Variants in CEMIP2 observed in about 807,000 individuals in gnomAD.
CEMIP2 encodes the protein cell migration inducing hyaluronidase 2, also known as cell surface hyaluronidase CEMIP2.
A neutral mutation model predicts 146.9 loss-of-function variants in CEMIP2; 79 were observed. The ratio of observed to expected loss-of-function variants is 0.54; its 90% confidence interval spans 0.45 to 0.65. The LOEUF (loss-of-function observed/expected upper bound fraction) is 0.65. Ranked by LOEUF, CEMIP2 falls within the 30% of genes least tolerant of loss-of-function variation. The pLI, the probability that CEMIP2 is intolerant of heterozygous loss-of-function variation, is 0.00. For missense variants in CEMIP2, 1,596 were observed against 1,696.2 expected (o/e 0.94, Z 1.04); for synonymous variants, 601 against 606.3 (o/e 0.99, Z 0.13).
At chr9:71,759,126 G>C (rs62544884) in intron 1 of CEMIP2, among the ~76,000 whole-genome samples, 9,453 of 152,196 alleles carry the variant, frequency 0.062, 446 homozygotes, top group South Asian at 0.18. Flanking sequence ...GCCTATGAAG[G>C]GAAAGGACAA....
intron 18 of CEMIP2, among the ~76,000 whole-genome samples, chr9:71,703,985 G>C (rs1054437580): frequency 6.6e-6 from 1 of 152,082 alleles, no homozygotes; most frequent in African/African-American, 2.4e-5. Context: ...CTCCTAGAAG[G>C]CAAGTACTTC....
intron 12 of CEMIP2, among the ~76,000 whole-genome samples, chr9:71,721,468 A>G (rs1823229509): frequency 6.6e-6 from 1 of 152,182 alleles, no homozygotes; most frequent in African/African-American, 2.4e-5. Flanking sequence ...TGATCATTGC[A>G]TCAACATATT....
chr9:71,711,465 G>A (rs929052054), intron 16 of CEMIP2, among the ~76,000 whole-genome samples: 1 of 151,930 alleles, frequency 6.6e-6, no homozygotes, highest in Non-Finnish European at 1.5e-5. Context: ...AGCTACTTAG[G>A]GGGCTGAGGT....
At chr9:71,729,039 C>T (rs62547023) in intron 10 of CEMIP2, among the ~76,000 whole-genome samples, 10,610 of 151,444 alleles carry the variant, frequency 0.07, 531 homozygotes, top group South Asian at 0.19. Context: ...TGGGTTTCGC[C>T]ATGTTGCCCA....
chr9:71,698,101 T>C lies in CEMIP2; in HGVS notation c.3481A>G (p.Lys1161Glu), dbSNP rs1251584000. The stretch of plus-strand genomic sequence containing the variant: ...TTGGCCATGCAGTTACTGATGTCCT[T>C]TGAGTCTGTGGCTGCTTGGATCTTG... ...RVKIQAATDS[K>E]DISNCMAKAY... The change falls in exon 20 of 24, where the codon AAG (lysine) becomes GAG (glutamate). Residue 1161 changes from lysine (K) to glutamate (E), a missense_variant. Lys to Glu is a moderately conservative substitution (Grantham distance 56). Transcript: ENST00000377044. The C allele has an allele frequency of 6.2e-7, 1 of 1,614,006 alleles. No individual in the cohort carries two copies. Among genetic ancestry groups the C allele is most frequent in the Non-Finnish European group, 8.5e-7 (1 of 1,180,026 alleles).
chr9:71,687,018 A>G lies in CEMIP2; in HGVS notation c.3852-1172T>C, dbSNP rs562338071. 8.5e-5 allele frequency: 13 copies of G among 152,362 alleles called. No individual in the cohort carries two copies. The East Asian group carries it at 2.3e-3, about 27-fold the overall frequency. The allele number at this position is 152,362 out of a possible 1,614,324, so 9.4% of individuals were successfully genotyped here. ...TTTGTCACATAGTAAGCCAACATAC[A>G]TACTTGGACCTATCTGTGGATTCTC... On this transcript the variant is annotated intron_variant, in intron 22 of 23. Coordinates refer to ENST00000377044, the MANE Select transcript of CEMIP2 (RefSeq NM_013390.3).
At chr9:71,729,543 C>CG (rs527696388) in intron 10 of CEMIP2, among the ~76,000 whole-genome samples, 2 of 151,480 alleles carry the variant, frequency 1.3e-5, no homozygotes, top group Admixed American at 6.6e-5. Flanking sequence ...GGCGTGAACC[C>CG]GGGGGGTGGA....
intron 10 of CEMIP2, among the ~76,000 whole-genome samples, chr9:71,729,628 A>C (rs1823555743): frequency 6.6e-6 from 1 of 151,944 alleles, no homozygotes; most frequent in Admixed American, 6.6e-5. Flanking sequence ...GAGAAAAAAA[A>C]AAAAAATTAC....
chr9:71,734,691 G>A (rs937741587), intron 6 of CEMIP2, 115 bp downstream of exon 6: 19 of 895,580 alleles, frequency 2.1e-5, no homozygotes, highest in Non-Finnish European at 3.0e-5. Context: ...CAATACTGAT[G>A]ATTGTGATGG....
At chr9:71,707,745 A>ACGTAGCC (rs1822792169) in intron 17 of CEMIP2, among the ~76,000 whole-genome samples, 1 of 152,192 alleles carries the variant, frequency 6.6e-6, no homozygotes, top group Admixed American at 6.5e-5. Context: ...TACGAAAAGA[A>ACGTAGCC]CATCTAGCAG....
chr9:71,732,523 G>A lies in CEMIP2; in HGVS notation c.1394-3C>T. The A allele has an allele frequency of 6.3e-7, 1 of 1,581,384 alleles. No homozygotes were observed. The highest frequency in any genetic ancestry group is 8.5e-7 in the Non-Finnish European group (1 of 1,170,432). On this transcript the variant is annotated splice_region_variant and splice_polypyrimidine_tract_variant and intron_variant, in intron 6 of 23. Coordinates refer to ENST00000377044, the MANE Select transcript of CEMIP2 (RefSeq NM_013390.3). Reference sequence around the variant, plus strand: ...CATGTGCAGGAACTGAGGGGTTTCTGGTTGATATGAGCAAGGAAAAAAAAG... The same window carrying A: ...CATGTGCAGGAACTGAGGGGTTTCTAGTTGATATGAGCAAGGAAAAAAAAG...
At chr9:71,694,248 G>A (rs1003177622) in intron 21 of CEMIP2, among the ~76,000 whole-genome samples, 4 of 151,908 alleles carry the variant, frequency 2.6e-5, no homozygotes, top group South Asian at 4.2e-4. Flanking sequence ...TCAGCCTCCC[G>A]AGTAGCTGGG....
Position 71,700,841 on chromosome 9 carries a change from TAAA to T in CEMIP2, c.3195-20_3195-18del, listed in dbSNP as rs760957102. 6.3e-7 allele frequency: 1 copy of T among 1,590,924 alleles called. No homozygotes were observed. Among genetic ancestry groups the T allele is most frequent in the South Asian group, 1.1e-5 (1 of 87,254 alleles). On this transcript the variant is annotated intron_variant, in intron 18 of 23. Transcript: ENST00000377044. ...CAGTCATTCCTTTAAAGGAGAAACA[TAAA>T]AAAATTAGTTTACACTTCAGCCATT...
Position 71,730,102 on chromosome 9 carries a change from G to A in CEMIP2, c.1925C>T (p.Thr642Ile). The stretch of plus-strand genomic sequence containing the variant: ...ATTTCCAAACACTTTATCTCGCATG[G>A]TGGTACACATGGAGTTGTTCCTATC... ...PTDRNNSMCTTMRDKVFGNYI... is the reference protein window; with the variant it reads ...PTDRNNSMCTIMRDKVFGNYI... The change falls in exon 9 of 24, where the codon ACC becomes ATC. Residue 642 changes from threonine to isoleucine, a missense_variant. Transcript: ENST00000377044. The A allele has an allele frequency of 1.9e-6, 3 of 1,614,162 alleles. No individual in the cohort carries two copies. Among genetic ancestry groups the A allele is most frequent in the South Asian group, 2.2e-5 (2 of 91,080 alleles).
chr9:71,728,243 A>ATATATG (rs1823463402), intron 10 of CEMIP2, among the ~76,000 whole-genome samples: 1 of 49,192 alleles, frequency 2.0e-5, no homozygotes, highest in African/African-American at 6.3e-5. Flanking sequence ...ATATATATAT[A>ATATATG]TATATATGTA....
intron 12 of CEMIP2, among the ~76,000 whole-genome samples, chr9:71,719,828 G>A (rs1266709654): frequency 1.7e-5 from 1 of 58,576 alleles, no homozygotes; most frequent in Non-Finnish European, 3.3e-5. Context: ...GAGACATACT[G>A]TTCTAAACGA....
At chr9:71,709,572 T>A in intron 16 of CEMIP2, 98 bp from the exon 17 acceptor site, 1 of 1,020,422 alleles carries the variant, frequency 9.8e-7, no homozygotes, top group Non-Finnish European at 1.5e-6. Context: ...GTGATTGCTT[T>A]AAGGTTAGAG....
At chr9:71,732,244 A>G in intron 7 of CEMIP2, 107 bp downstream of exon 7, 1 of 1,161,188 alleles carries the variant, frequency 8.6e-7, no homozygotes, top group South Asian at 1.6e-5. Context: ...ACAAAACATG[A>G]TTTGCTTTTA....
chr9:71,693,327 G>C (rs1822289107), intron 21 of CEMIP2, among the ~76,000 whole-genome samples: 1 of 152,166 alleles, frequency 6.6e-6, no homozygotes, highest in Non-Finnish European at 1.5e-5. Flanking sequence ...ACCTGATTTT[G>C]GACAGGCCAC....
Sources: allele counts gnomAD v4.1 joint callset (sites outside exome capture counted in the v4.1 genomes callset), GRCh38; gene constraint gnomAD v4.1.1; transcripts MANE v1.5; gene names NCBI Gene and HGNC (gene_info 2026-07-23, HGNC 2026-07-21).